Variants in EEA1 observed in about 807,000 individuals in gnomAD.
EEA1 encodes the protein early endosome antigen 1, also known as early endosome antigen 1, 162kD.
Under a neutral mutation model 209.2 loss-of-function variants are expected in EEA1, and 111 were observed. That is an observed-to-expected ratio of 0.53 (90% CI 0.45 to 0.62). EEA1 has a LOEUF of 0.62. Ranked by LOEUF, EEA1 falls within the 20% of genes least tolerant of loss-of-function variation. EEA1 has a pLI of 0.00. For missense variants in EEA1, 1,343 were observed against 1,530.8 expected (o/e 0.88, Z 2.05); for synonymous variants, 536 against 540.6 (o/e 0.99, Z 0.12).
chr12:92,794,075 G>A lies in EEA1; in HGVS notation c.2967+4817C>T, dbSNP rs943967175. 6.6e-5 allele frequency among the ~76,000 whole-genome samples: 10 copies of A among 152,234 alleles called. No homozygotes were observed. In the East Asian group the frequency reaches 1.2e-3, roughly 18 times the overall value. On this transcript the variant is annotated intron_variant, in intron 21 of 28. Coordinates refer to ENST00000322349, the MANE Select transcript of EEA1 (RefSeq NM_003566.4). ...CCATCAAAAAGTGGGCAAAGGATAC[G>A]AACAGACACTTCTCAAAAGAAGACA...
At chr12:92,895,902 T>C (rs1238970785) in intron 1 of EEA1, among the ~76,000 whole-genome samples, 2 of 151,904 alleles carry the variant, frequency 1.3e-5, no homozygotes, top group Non-Finnish European at 2.9e-5. Context: ...AAGACTCCAG[T>C]AGAACAGATA....
chr12:92,842,326 A>G, intron 10 of EEA1, 139 bp downstream of exon 10: 1 of 506,676 alleles, frequency 2.0e-6, no homozygotes, highest in Non-Finnish European at 3.5e-6. Context: ...GGTTTGCACA[A>G]TAATGTGAAC....
Position 92,816,414 on chromosome 12 carries a change from A to G in EEA1, c.1729-14T>C. 1 of 1,610,754 alleles carries G rather than the reference A, an allele frequency of 6.2e-7. No individual in the cohort carries two copies. Among genetic ancestry groups the G allele is most frequent in the Non-Finnish European group, 8.5e-7 (1 of 1,177,736 alleles). On this transcript the variant is annotated splice_polypyrimidine_tract_variant and intron_variant, in intron 14 of 28. Coordinates refer to ENST00000322349, the MANE Select transcript of EEA1 (RefSeq NM_003566.4). ...TAGTTGAGTTACCTGTTATACAAGT[A>G]AGACTAATCGTGAAGTTCACAAATG...
chr12:92,787,944 G>T lies in EEA1; in HGVS notation c.3073C>A (p.Gln1025Lys). ...SVLQNNYEKSQETFKQLQSDF... is the reference protein window; with the variant it reads ...SVLQNNYEKSKETFKQLQSDF... ...GATTGAAGCTGTTTGAAAGTTTCCTGACTTTTTTCATAGTTGTTTTGTAAT... is the reference window on the plus strand; with the variant it reads ...GATTGAAGCTGTTTGAAAGTTTCCTTACTTTTTTCATAGTTGTTTTGTAAT... Residue 1025 changes from glutamine to lysine, a missense_variant, in exon 22 of 29, where the codon CAG becomes AAG. Around this residue, in one of 3 missense-constraint regions of EEA1, gnomAD observed 1,307 missense variants for 1,465.5 expected, o/e 0.89. Coordinates refer to ENST00000322349, the MANE Select transcript of EEA1 (RefSeq NM_003566.4). The T allele has an allele frequency of 1.2e-6, 2 of 1,613,030 alleles. No homozygotes were observed. Among genetic ancestry groups the T allele is most frequent in the East Asian group, 2.2e-5 (1 of 44,796 alleles).
rs376251079 is a variant in EEA1 at position 92,832,533 on chromosome 12, T to C, written c.1233A>G (p.Gln411=). The C allele has an allele frequency of 8.7e-6, 14 of 1,611,250 alleles. No homozygotes were observed. In the African/African-American group the frequency reaches 1.9e-4, roughly 22 times the overall value. Residue 411 remains glutamine, a synonymous_variant, in exon 11 of 29, where the codon CAA becomes CAG. Coordinates refer to ENST00000322349, the MANE Select transcript of EEA1 (RefSeq NM_003566.4). ...QREEKEQHGL[Q]LQSEINQLHS... ...TTACTTGATTAATTTCACTTTGGAG[T>C]TGTAACCCATGCTGCTCCTTTTCTT...
rs551303452 is a variant in EEA1 at position 92,772,976 on chromosome 12, A to C, written c.*3035T>G. ...ATGCACAATATTCACATCTGCAACAATAACAAATTGATCATTAAAATTCAG... is the reference window on the plus strand; with the variant it reads ...ATGCACAATATTCACATCTGCAACACTAACAAATTGATCATTAAAATTCAG... On this transcript the variant is annotated 3_prime_UTR_variant, in exon 29 of 29. Coordinates refer to ENST00000322349, the MANE Select transcript of EEA1 (RefSeq NM_003566.4). The C allele has an allele frequency of 1.3e-5, 2 of 152,242 alleles. No individual in the cohort carries two copies. Among genetic ancestry groups the C allele is most frequent in the Non-Finnish European group, 3.0e-5 (2 of 67,722 alleles). The allele number at this position is 152,242 out of a possible 1,614,324, so 9.4% of individuals were successfully genotyped here.
intron 10 of EEA1, among the ~76,000 whole-genome samples, chr12:92,837,286 T>A (rs1158271316): frequency 1.3e-5 from 2 of 152,180 alleles, no homozygotes; most frequent in Admixed American, 1.3e-4. Context: ...AAACAGACTC[T>A]CAGAGGCTTA....
chr12:92,828,989 A>G (rs536449694), intron 11 of EEA1, among the ~76,000 whole-genome samples: 48 of 152,374 alleles, frequency 3.2e-4, no homozygotes, highest in African/African-American at 1.2e-3. Context: ...CCAATTTCCC[A>G]TAATATACAG....
intron 11 of EEA1, among the ~76,000 whole-genome samples, chr12:92,829,266 C>T (rs1876488772): frequency 1.3e-5 from 2 of 151,710 alleles, no homozygotes; most frequent in Admixed American, 1.3e-4. Context: ...GAAATCTCGC[C>T]ACTGCACTCC....
At chr12:92,915,690 C>T (rs955418159) in intron 1 of EEA1, among the ~76,000 whole-genome samples, 1 of 152,178 alleles carries the variant, frequency 6.6e-6, no homozygotes, top group African/African-American at 2.4e-5. Flanking sequence ...TCTTGTTCAT[C>T]TCTCTGATAA....
rs1879306497 is a variant in EEA1 at position 92,884,702 on chromosome 12, T to A, written c.117+6927A>T. ...TAGCTATGGCAATGGCAGAAGATTT[T>A]AATTAGGAAACAAAGCTTAGCAGGA... is the stretch of plus-strand genomic sequence containing the variant. On this transcript the variant is annotated intron_variant, in intron 2 of 28. Coordinates refer to ENST00000322349, the MANE Select transcript of EEA1 (RefSeq NM_003566.4). 19 of 1,429,332 alleles carry A rather than the reference T, an allele frequency of 1.3e-5. No individual in the cohort carries two copies. In the South Asian group the frequency reaches 2.2e-4, roughly 16 times the overall value. The allele number at this position is 1,429,332 out of a possible 1,614,324, so 88.5% of individuals were successfully genotyped here.
rs1326554731 is a variant in EEA1, at chr12:92,772,258, T to C, written c.*3753A>G. The C allele has an allele frequency of 6.6e-6, 1 of 151,952 alleles. No homozygotes were observed. Among genetic ancestry groups the C allele is most frequent in the Admixed American group, 6.6e-5 (1 of 15,230 alleles). 9.4% of individuals were successfully genotyped at this position (151,952 alleles called of 1,614,324 possible). On this transcript the variant is annotated 3_prime_UTR_variant, in exon 29 of 29. Coordinates refer to ENST00000322349, the MANE Select transcript of EEA1 (RefSeq NM_003566.4). ...ACAATGAAATAAGGGGTTAATTACATATTTTTTATATTTGTTTTTAGTTTT... is the reference window on the plus strand; with the variant it reads ...ACAATGAAATAAGGGGTTAATTACACATTTTTTATATTTGTTTTTAGTTTT...
chr12:92,797,082 G>GGTTTT (rs1292981917), intron 21 of EEA1, among the ~76,000 whole-genome samples: 1 of 151,908 alleles, frequency 6.6e-6, no homozygotes, highest in Non-Finnish European at 1.5e-5. Context: ...TGGGTGTTTT[G>GGTTTT]GTTTTGTTTT....
Position 92,832,112 on chromosome 12 carries a change from AT to A in EEA1, c.1254+399del, listed in dbSNP as rs781261785. On this transcript the variant is annotated intron_variant, in intron 11 of 28. Coordinates refer to ENST00000322349, the MANE Select transcript of EEA1 (RefSeq NM_003566.4). ...CCGTCTCAAAAAAAAAAAAAAAAAA[AT>A]ATCCAATTTGTATGCTATTTGTTTT... Among the ~76,000 whole-genome samples the A allele has an allele frequency of 4.7e-3, 703 of 149,170 alleles. 10 individuals carry two copies. Among genetic ancestry groups the A allele is most frequent in the African/African-American group, 0.016 (625 of 39,018 alleles).
At chr12:92,779,957 CTCTT>C (rs931620506) in intron 24 of EEA1, among the ~76,000 whole-genome samples, 17 of 152,062 alleles carry the variant, frequency 1.1e-4, no homozygotes, top group African/African-American at 3.4e-4. Flanking sequence ...TACTTCTAAA[CTCTT>C]TCATATTTTG....
At chr12:92,798,799 A>AT in intron 21 of EEA1, 93 bp downstream of exon 21, 1 of 962,132 alleles carries the variant, frequency 1.0e-6, no homozygotes, top group Non-Finnish European at 1.5e-6. Flanking sequence ...AAACTTTTCA[A>AT]TGTTGCAACT....
intron 12 of EEA1, among the ~76,000 whole-genome samples, chr12:92,826,671 C>T (rs1227209060): frequency 2.7e-5 from 4 of 147,686 alleles, no homozygotes; most frequent in Non-Finnish European, 5.9e-5. Flanking sequence ...GCCGAGATTG[C>T]GCCACTGCAC....
At chr12:92,797,934 A>G (rs1874730886) in intron 21 of EEA1, among the ~76,000 whole-genome samples, 1 of 152,172 alleles carries the variant, frequency 6.6e-6, no homozygotes, top group Non-Finnish European at 1.5e-5. Context: ...ATGGCATGAT[A>G]TATTTAGTTT....
chr12:92,796,016 G>A (rs960688992), intron 21 of EEA1, among the ~76,000 whole-genome samples: 1 of 151,018 alleles, frequency 6.6e-6, no homozygotes, highest in Non-Finnish European at 1.5e-5. Flanking sequence ...ATGATTAAGA[G>A]CTTATTTGCT....
Sources: gnomAD v4.1 joint callset for allele counts (sites outside exome capture counted in the v4.1 genomes callset) on GRCh38, gnomAD v4.1.1 for gene constraint, gnomAD v4.1.1 regional missense constraint, MANE v1.5 for transcripts, NCBI Gene and HGNC (gene_info 2026-07-23, HGNC 2026-07-21) for gene names.